ARHGEF28: variants seen among roughly 807,000 people sequenced by gnomAD.
ARHGEF28 encodes the protein Rho guanine nucleotide exchange factor 28.
Under a neutral mutation model 206.6 loss-of-function variants are expected in ARHGEF28, and 152 were observed. The observed-to-expected ratio is 0.74, with a 90% CI of 0.64 to 0.84. The LOEUF (loss-of-function observed/expected upper bound fraction) is 0.84. ARHGEF28 is among the 40% of genes least tolerant of loss of function. The probability of loss-of-function intolerance (pLI) is 0.00; values close to 1 mark genes in which losing one functional copy is unlikely to be tolerated. For synonymous variants in ARHGEF28, 763 were observed against 776.4 expected (o/e 0.98, Z 0.29); for missense variants, 2,028 against 2,073.2 (o/e 0.98, Z 0.42).
chr5:73,867,545 T>C (rs1759787593), intron 18 of ARHGEF28, among the ~76,000 whole-genome samples: 1 of 152,202 alleles, frequency 6.6e-6, no homozygotes, highest in Non-Finnish European at 1.5e-5. Flanking sequence ...TATTTAAAGC[T>C]GGCTGTAAGG....
chr5:73,889,490 C>G (rs1368219140), intron 26 of ARHGEF28, among the ~76,000 whole-genome samples: 2 of 152,204 alleles, frequency 1.3e-5, no homozygotes, highest in Non-Finnish European at 2.9e-5. Flanking sequence ...GGAGGAATCT[C>G]TTGAACATCA....
intron 2 of ARHGEF28, among the ~76,000 whole-genome samples, chr5:73,692,682 C>T (rs1273895627): frequency 6.6e-6 from 1 of 152,186 alleles, no homozygotes; most frequent in African/African-American, 2.4e-5. Flanking sequence ...AGCATGCTCC[C>T]CTTGGTCCCA....
intron 1 of ARHGEF28, among the ~76,000 whole-genome samples, chr5:73,654,411 T>G (rs1356173061): frequency 6.6e-6 from 1 of 152,164 alleles, no homozygotes; most frequent in East Asian, 1.9e-4. Flanking sequence ...TAGGAGCCAC[T>G]GAGAGATTGG....
intron 35 of ARHGEF28, among the ~76,000 whole-genome samples, chr5:73,917,721 G>A (rs747435492): frequency 2.0e-5 from 3 of 152,350 alleles, no homozygotes; most frequent in Non-Finnish European, 2.9e-5. Flanking sequence ...CTGCTGAAGT[G>A]TGGGAGTCCA....
chr5:73,831,469 A>G (rs1211513123), intron 9 of ARHGEF28, among the ~76,000 whole-genome samples: 1 of 152,200 alleles, frequency 6.6e-6, no homozygotes, highest in African/African-American at 2.4e-5. Context: ...ACATTTCCGT[A>G]ACCAAAATAG....
chr5:73,643,837 C>A (rs1744267629), intron 1 of ARHGEF28, among the ~76,000 whole-genome samples: 1 of 146,510 alleles, frequency 6.8e-6, no homozygotes, highest in Non-Finnish European at 1.5e-5. Context: ...AAAAAATTCA[C>A]TGCATTCCTT....
At chr5:73,823,382 C>G (rs746985703) in intron 9 of ARHGEF28, among the ~76,000 whole-genome samples, 4 of 152,096 alleles carry the variant, frequency 2.6e-5, no homozygotes, top group Non-Finnish European at 4.4e-5. Context: ...AAAAATATGA[C>G]TTTTTCAGAT....
intron 25 of ARHGEF28, among the ~76,000 whole-genome samples, chr5:73,886,962 T>A (rs923743615): frequency 6.6e-6 from 1 of 152,214 alleles, no homozygotes; most frequent in Non-Finnish European, 1.5e-5. Flanking sequence ...TATTACCCAT[T>A]GGAGGATGAT....
chr5:73,763,068 G>T (rs1380183467), intron 4 of ARHGEF28, among the ~76,000 whole-genome samples: 1 of 152,206 alleles, frequency 6.6e-6, no homozygotes, highest in Non-Finnish European at 1.5e-5. Flanking sequence ...GAGTAAGAAT[G>T]AAAGAAGAAA....
At position 73,860,654 on chromosome 5, in the gene ARHGEF28, G is replaced by T. The variant is rs1759340303; in HGVS notation, c.2047+2435G>T. 2.0e-5 allele frequency among the ~76,000 whole-genome samples: 3 copies of T among 152,166 alleles called. No homozygotes were observed. In the South Asian group the frequency reaches 6.2e-4, roughly 32 times the overall value. On this transcript the variant is annotated intron_variant, in intron 16 of 35. Transcript: ENST00000513042. Reference sequence around the variant, plus strand: ...CCTTCTAGAATACTGGGAGGGAATTGTGCTAGTTTCTTCCTTTCCAGGTAT... The same window carrying T: ...CCTTCTAGAATACTGGGAGGGAATTTTGCTAGTTTCTTCCTTTCCAGGTAT...
intron 9 of ARHGEF28, among the ~76,000 whole-genome samples, chr5:73,808,461 G>A (rs1044856982): frequency 6.6e-6 from 1 of 152,158 alleles, no homozygotes; most frequent in Admixed American, 6.6e-5. Flanking sequence ...TAGCCTCCCT[G>A]TGAAAGCCAC....
chr5:73,634,101 ATTCACTACCCCT>A (rs1413629643), intron 1 of ARHGEF28, among the ~76,000 whole-genome samples: 1 of 152,060 alleles, frequency 6.6e-6, no homozygotes, highest in Non-Finnish European at 1.5e-5. Context: ...CATTTTTCAT[ATTCACTACCCCT>A]TTTAGTCTCA....
intron 35 of ARHGEF28, among the ~76,000 whole-genome samples, chr5:73,932,759 C>T (rs532645966): frequency 6.4e-5 from 9 of 141,480 alleles, no homozygotes; most frequent in East Asian, 2.2e-4. Flanking sequence ...ACATTTACTT[C>T]GGTAGTTTTG....
At chr5:73,917,914 G>T (rs563814990) in intron 35 of ARHGEF28, among the ~76,000 whole-genome samples, 1 of 152,302 alleles carries the variant, frequency 6.6e-6, no homozygotes, top group African/African-American at 2.4e-5. Flanking sequence ...CTTGGGTTTG[G>T]AGGGGAAATT....
chr5:73,691,322 C>T (rs1195633998), intron 2 of ARHGEF28, among the ~76,000 whole-genome samples: 1 of 152,088 alleles, frequency 6.6e-6, no homozygotes, highest in Non-Finnish European at 1.5e-5. Flanking sequence ...CACACACACT[C>T]ATGATATTTC....
intron 35 of ARHGEF28, chr5:73,923,073 T>C (rs1263658007): frequency 1.3e-6 from 2 of 1,534,890 alleles, no homozygotes; most frequent in Admixed American, 2.0e-5. Context: ...AATGCGGCCA[T>C]ATTTTGCATT....
intron 21 of ARHGEF28, among the ~76,000 whole-genome samples, chr5:73,871,748 A>G (rs1231072316): frequency 6.6e-6 from 1 of 152,246 alleles, no homozygotes; most frequent in Non-Finnish European, 1.5e-5. Context: ...TGTACATGTT[A>G]CTAGTCACTC....
rs764097892 is a variant in ARHGEF28 at position 73,840,607 on chromosome 5, G to C, written c.1274G>C (p.Ser425Thr). The C allele has an allele frequency of 6.2e-7, 1 of 1,613,966 alleles. No individual in the cohort carries two copies. Among genetic ancestry groups the C allele is most frequent in the East Asian group, 2.2e-5 (1 of 44,884 alleles). ...ACCCTTCCTACAGAAACCAGTCCCA[G>C]TGTGTACCCACTTAGTGAAAATGTC... ...KHTLPTETSPSVYPLSENVEG... is the reference protein window; with the variant it reads ...KHTLPTETSPTVYPLSENVEG... Residue 425 changes from serine to threonine, a missense_variant, in exon 11 of 36, where the codon AGT (serine) becomes ACT (threonine). Around this residue, in one of 3 missense-constraint regions of ARHGEF28, gnomAD observed 1,002 missense variants for 1,015.3 expected, o/e 0.99. Transcript: ENST00000513042.
At chr5:73,734,231 A>G (rs963507690) in intron 2 of ARHGEF28, among the ~76,000 whole-genome samples, 9 of 152,162 alleles carry the variant, frequency 5.9e-5, no homozygotes, top group African/African-American at 2.2e-4. Flanking sequence ...CAGAGAGAAA[A>G]GAGAAGAATA....
Sources: allele counts gnomAD v4.1 joint callset (sites outside exome capture counted in the v4.1 genomes callset), GRCh38; gene constraint gnomAD v4.1.1; regional missense constraint gnomAD v4.1.1; transcripts MANE v1.5; gene names NCBI Gene and HGNC (gene_info 2026-07-23, HGNC 2026-07-21).